WDFY3: variants seen among roughly 807,000 people sequenced by gnomAD.
WDFY3 encodes the protein WD repeat and FYVE domain containing 3, also known as WD repeat and FYVE domain-containing protein 3.
In WDFY3, 66 loss-of-function variants were observed where a neutral mutation model predicts 409.6. The observed-to-expected ratio is 0.16, with a 90% confidence interval of 0.13 to 0.20. The LOEUF is 0.20. Among genes scored for constraint, WDFY3 ranks in the 10% least tolerant of loss-of-function variants. The probability of loss-of-function intolerance (pLI) is 1.00; values close to 1 mark genes in which losing one functional copy is unlikely to be tolerated. For missense variants in WDFY3, 3,031 were observed against 4,298.1 expected (o/e 0.71, Z 8.24); for synonymous variants, 1,521 against 1,537.1 (o/e 0.99, Z 0.25).
chr4:84,830,019 T>C (rs185053712), intron 8 of WDFY3, among the ~76,000 whole-genome samples: 53 of 152,234 alleles, frequency 3.5e-4, no homozygotes, highest in African/African-American at 1.3e-3. Flanking sequence ...TTTGGTGGTA[T>C]GTATTTGTAT....
chr4:84,703,135 T>C (rs1347134980), intron 55 of WDFY3, among the ~76,000 whole-genome samples: 1 of 151,976 alleles, frequency 6.6e-6, no homozygotes, highest in Admixed American at 6.6e-5. Flanking sequence ...TATGAGTTCT[T>C]CCATAGTTTG....
intron 7 of WDFY3, among the ~76,000 whole-genome samples, chr4:84,832,659 G>GT (rs1352655667): frequency 6.6e-6 from 1 of 152,042 alleles, no homozygotes; most frequent in Non-Finnish European, 1.5e-5. Context: ...TTTAAAAACC[G>GT]TAAGAGTGTA....
At chr4:84,866,671 A>G (rs1401222961) in intron 3 of WDFY3, among the ~76,000 whole-genome samples, 1 of 152,206 alleles carries the variant, frequency 6.6e-6, no homozygotes, top group Non-Finnish European at 1.5e-5. Context: ...AAAACCCAGA[A>G]AACTTTGTAA....
chr4:84,949,055 G>C (rs376529842), intron 1 of WDFY3, among the ~76,000 whole-genome samples: 54 of 152,230 alleles, frequency 3.5e-4, no homozygotes, highest in Middle Eastern at 3.4e-3. Context: ...CTCAGCGCCT[G>C]TAGTTAGTTA....
At chr4:84,943,097 G>A (rs1772351295) in intron 1 of WDFY3, among the ~76,000 whole-genome samples, 1 of 152,202 alleles carries the variant, frequency 6.6e-6, no homozygotes, top group Admixed American at 6.5e-5. Flanking sequence ...TGAAGACAAT[G>A]AGGATGAACA....
At chr4:84,939,868 A>T (rs1490285169) in intron 1 of WDFY3, among the ~76,000 whole-genome samples, 1 of 152,176 alleles carries the variant, frequency 6.6e-6, no homozygotes, top group Non-Finnish European at 1.5e-5. Flanking sequence ...TTCTAATTCC[A>T]AGAATTTGGA....
chr4:84,920,263 G>C (rs979797932), intron 2 of WDFY3, among the ~76,000 whole-genome samples: 7 of 152,142 alleles, frequency 4.6e-5, no homozygotes, highest in Admixed American at 4.6e-4. Flanking sequence ...CACTTATTCA[G>C]ATAACAAAAT....
At chr4:84,698,353 T>A (rs926221339) in intron 56 of WDFY3, among the ~76,000 whole-genome samples, 2 of 151,598 alleles carry the variant, frequency 1.3e-5, no homozygotes, top group African/African-American at 4.8e-5. Flanking sequence ...GGTATAATCA[T>A]GGCTCACTTC....
chr4:84,776,665 C>G lies in WDFY3; in HGVS notation c.4519-1527G>C, dbSNP rs571386302. On this transcript the variant is annotated intron_variant, in intron 27 of 67. Transcript: ENST00000295888. Reference sequence around the variant, plus strand: ...TCTTTTTCCTCTAATGGACTAAATGCCTTGAGCTGTGGACTCTTACTTTTT... The same window carrying G: ...TCTTTTTCCTCTAATGGACTAAATGGCTTGAGCTGTGGACTCTTACTTTTT... 5.9e-5 allele frequency among the ~76,000 whole-genome samples: 9 copies of G among 152,074 alleles called. No individual in the cohort carries two copies. In the South Asian group the frequency reaches 1.7e-3, roughly 28 times the overall value.
At chr4:84,678,343 T>A (rs2148741227) in intron 65 of WDFY3, 64 bp from the exon 66 acceptor site, 2 of 1,211,384 alleles carry the variant, frequency 1.7e-6, no homozygotes, top group Non-Finnish European at 2.5e-6. Context: ...TGGGGAGAAC[T>A]ACTCTAAGAT....
chr4:84,930,992 TA>T (rs1352967235), intron 2 of WDFY3, among the ~76,000 whole-genome samples: 1 of 152,218 alleles, frequency 6.6e-6, no homozygotes, highest in Admixed American at 6.5e-5. Context: ...TTTGTTATTA[TA>T]ATTGTTATAT....
At chr4:84,735,436 A>C (rs1737282042) in intron 42 of WDFY3, among the ~76,000 whole-genome samples, 1 of 152,112 alleles carries the variant, frequency 6.6e-6, no homozygotes. Context: ...AGGGGTAAGA[A>C]GACTCACACA....
intron 36 of WDFY3, among the ~76,000 whole-genome samples, chr4:84,748,372 CT>C (rs1739888490): frequency 6.6e-6 from 1 of 152,096 alleles, no homozygotes; most frequent in South Asian, 2.1e-4. Flanking sequence ...GAGAATTGAA[CT>C]TGGTCAAGGC....
At chr4:84,782,370 A>T (rs1043418555) in intron 25 of WDFY3, among the ~76,000 whole-genome samples, 2 of 149,938 alleles carry the variant, frequency 1.3e-5, no homozygotes, top group Admixed American at 1.3e-4. Flanking sequence ...AAACAGTGCA[A>T]TTTTTTTTTT....
At chr4:84,857,355 CCTAA>C (rs992589997) in intron 4 of WDFY3, among the ~76,000 whole-genome samples, 3 of 151,988 alleles carry the variant, frequency 2.0e-5, no homozygotes, top group Non-Finnish European at 4.4e-5. Flanking sequence ...ACTGTGGAAG[CCTAA>C]CTGATAAAAT....
At position 84,766,320 on chromosome 4, in the gene WDFY3, C is replaced by A; in HGVS notation, c.4902G>T (p.Arg1634Ser). 1 of 1,602,572 alleles carries A rather than the reference C, an allele frequency of 6.2e-7. No individual in the cohort carries two copies. Among genetic ancestry groups the A allele is most frequent in the South Asian group, 1.1e-5 (1 of 87,796 alleles). ...TTAGCAAGATATCCAGAAGTCTGTT[C>A]CTCAAAAGTATAAGATTAGCTGATA... ...GLVSANLILL[R>S]NRLLDILLKL... The change falls in exon 31 of 68, where the codon AGG becomes AGT. Residue 1634 changes from arginine (R) to serine (S), a missense_variant. Arg to Ser is a moderately radical substitution (Grantham distance 110, BLOSUM62 -1). Transcript: ENST00000295888.
At chr4:84,682,028 G>C (rs1263400283) in intron 64 of WDFY3, among the ~76,000 whole-genome samples, 1 of 152,200 alleles carries the variant, frequency 6.6e-6, no homozygotes, top group South Asian at 2.1e-4. Context: ...TGTGGGGCTG[G>C]GGTGCAGCAG....
chr4:84,836,474 C>A (rs1400748702), intron 7 of WDFY3, among the ~76,000 whole-genome samples: 1 of 151,996 alleles, frequency 6.6e-6, no homozygotes, highest in African/African-American at 2.4e-5. Context: ...GAAAGAAGAG[C>A]CTTACAGGCA....
intron 10 of WDFY3, among the ~76,000 whole-genome samples, chr4:84,823,091 A>T (rs1014228173): frequency 3.0e-4 from 45 of 152,184 alleles, no homozygotes; most frequent in Admixed American, 2.7e-3. Context: ...ACCTGATTTT[A>T]AGGCTTATTA....
Sources: gnomAD v4.1 joint callset for allele counts (sites outside exome capture counted in the v4.1 genomes callset) on GRCh38, gnomAD v4.1.1 for gene constraint, MANE v1.5 for transcripts, NCBI Gene and HGNC (gene_info 2026-07-23, HGNC 2026-07-21) for gene names.